SYCP1: variants seen among roughly 807,000 people sequenced by gnomAD.
SYCP1 encodes the protein cancer/testis antigen 8.
SYCP1 carries 64 observed loss-of-function variants against 153.1 expected under a neutral mutation model. That is an observed-to-expected ratio of 0.42 (90% CI 0.34 to 0.51). SYCP1 has a LOEUF of 0.51. Ranked by LOEUF, SYCP1 falls within the 20% of genes least tolerant of loss-of-function variation. The probability of loss-of-function intolerance (pLI) is 0.06; values close to 1 mark genes in which losing one functional copy is unlikely to be tolerated. For missense variants in SYCP1, 997 were observed against 1,049.0 expected (o/e 0.95, Z 0.68); for synonymous variants, 384 against 341.8 (o/e 1.12, Z -1.36).
chr1:114,856,692 T>C (rs1447495523), intron 3 of SYCP1, 35 bp downstream of exon 3: 6 of 1,487,082 alleles, frequency 4.0e-6, no homozygotes, highest in Non-Finnish European at 5.6e-6. Context: ...TCAGCTTATA[T>C]AGAAACATTG....
At chr1:114,918,306 A>G (rs892935803) in intron 20 of SYCP1, among the ~76,000 whole-genome samples, 1 of 151,952 alleles carries the variant, frequency 6.6e-6, no homozygotes, top group Non-Finnish European at 1.5e-5. Context: ...CTGCAGATGA[A>G]TGGATTTGTT....
intron 20 of SYCP1, 145 bp from the exon 21 acceptor site, chr1:114,923,304 T>A: frequency 1.3e-6 from 1 of 793,438 alleles, no homozygotes; most frequent in South Asian, 2.1e-5. Flanking sequence ...CTCTTGTTTG[T>A]ACTTATATTA....
chr1:114,938,977 G>T (rs360668), intron 23 of SYCP1, among the ~76,000 whole-genome samples: 4 of 151,874 alleles, frequency 2.6e-5, no homozygotes, highest in Non-Finnish European at 5.9e-5. Context: ...AGATGGTACA[G>T]TCACTGTGGA....
intron 30 of SYCP1, among the ~76,000 whole-genome samples, chr1:114,985,425 G>A (rs1308477448): frequency 6.6e-6 from 1 of 151,852 alleles, no homozygotes; most frequent in East Asian, 1.9e-4. Flanking sequence ...ATATACCACT[G>A]TTTTCTGAAG....
chr1:114,958,737 G>C (rs1461052005), intron 27 of SYCP1, among the ~76,000 whole-genome samples: 1 of 145,142 alleles, frequency 6.9e-6, no homozygotes, highest in Non-Finnish European at 1.5e-5. Context: ...TGGCTAACAC[G>C]GTGAAACCCT....
At chr1:114,946,255 A>T in intron 25 of SYCP1, 34 bp from the exon 26 acceptor site, 1 of 1,213,404 alleles carries the variant, frequency 8.2e-7, no homozygotes, top group Non-Finnish European at 1.1e-6. Flanking sequence ...ATTCAGTTTT[A>T]ATATATCTAA....
At chr1:114,888,966 G>A (rs1666504887) in intron 15 of SYCP1, among the ~76,000 whole-genome samples, 1 of 150,194 alleles carries the variant, frequency 6.7e-6, no homozygotes, top group Non-Finnish European at 1.5e-5. Context: ...TTGGTTTTCT[G>A]TCCTTTTGAT....
intron 26 of SYCP1, 96 bp downstream of exon 26, chr1:114,946,477 C>T (rs1026977292): frequency 1.0e-5 from 7 of 670,000 alleles, no homozygotes; most frequent in Non-Finnish European, 1.7e-5. Context: ...AATTTTTGAG[C>T]TATAGAATCA....
intron 23 of SYCP1, among the ~76,000 whole-genome samples, chr1:114,929,701 T>C (rs927392407): frequency 7.2e-5 from 11 of 151,964 alleles, no homozygotes; most frequent in African/African-American, 1.9e-4. Flanking sequence ...CACCTAATAA[T>C]AAAGCTTCAA....
intron 30 of SYCP1, among the ~76,000 whole-genome samples, chr1:114,991,507 A>T (rs148870300): frequency 6.7e-4 from 102 of 152,044 alleles, no homozygotes; most frequent in African/African-American, 2.3e-3. Context: ...AACATAAGAA[A>T]ATAAAACAGT....
intron 27 of SYCP1, among the ~76,000 whole-genome samples, chr1:114,950,272 T>G (rs1384869384): frequency 6.6e-6 from 1 of 152,060 alleles, no homozygotes; most frequent in Non-Finnish European, 1.5e-5. Flanking sequence ...TAACAAGGAG[T>G]AGGGTAGAAA....
intron 28 of SYCP1, among the ~76,000 whole-genome samples, chr1:114,980,023 G>C (rs1308373218): frequency 1.3e-5 from 2 of 151,682 alleles, no homozygotes; most frequent in Non-Finnish European, 3.0e-5. Context: ...GTGTGCTCTA[G>C]AGAATTCAGA....
chr1:114,957,221 C>T (rs1671498711), intron 27 of SYCP1, among the ~76,000 whole-genome samples: 1 of 152,144 alleles, frequency 6.6e-6, no homozygotes, highest in Non-Finnish European at 1.5e-5. Context: ...ACCACCACCC[C>T]ACCCAGCTAA....
intron 27 of SYCP1, among the ~76,000 whole-genome samples, chr1:114,972,817 A>G (rs946920295): frequency 6.6e-6 from 1 of 152,144 alleles, no homozygotes; most frequent in Non-Finnish European, 1.5e-5. Flanking sequence ...TGGCTAGCAT[A>G]TGGTCTGTCC....
chr1:114,899,156 C>T (rs1667255356), intron 16 of SYCP1, among the ~76,000 whole-genome samples: 2 of 152,230 alleles, frequency 1.3e-5, no homozygotes, highest in South Asian at 2.1e-4. Flanking sequence ...TCTTATTGCA[C>T]TGATGCAAAC....
intron 27 of SYCP1, among the ~76,000 whole-genome samples, chr1:114,963,047 C>T (rs1417736237): frequency 6.6e-6 from 1 of 152,160 alleles, no homozygotes; most frequent in Non-Finnish European, 1.5e-5. Flanking sequence ...TGCTGTTAAT[C>T]CAATAGGTTT....
chr1:114,910,914 C>T (rs898634590), intron 17 of SYCP1, among the ~76,000 whole-genome samples: 1 of 152,052 alleles, frequency 6.6e-6, no homozygotes, highest in African/African-American at 2.4e-5. Flanking sequence ...AGGGGCACAC[C>T]ATCATGCCTA....
rs563746318 is a variant in SYCP1, at chr1:114,882,908, C to T, written c.911-2627C>T. Among the ~76,000 whole-genome samples, 20 of 152,206 alleles carry T rather than the reference C, an allele frequency of 1.3e-4. No homozygotes were observed. In the South Asian group the frequency reaches 3.7e-3, roughly 28 times the overall value. Reference sequence around the variant, plus strand: ...TTTGCTCCTTACATCAAAACTGTCCCGGCTTATTGTACAAAAGTTTACTTC... The same window carrying T: ...TTTGCTCCTTACATCAAAACTGTCCTGGCTTATTGTACAAAAGTTTACTTC... On this transcript the variant is annotated intron_variant, in intron 12 of 31. Coordinates refer to ENST00000369522, the MANE Select transcript of SYCP1 (RefSeq NM_003176.4).
At chr1:114,888,640 AT>A (rs1395523945) in intron 15 of SYCP1, among the ~76,000 whole-genome samples, 1 of 152,050 alleles carries the variant, frequency 6.6e-6, no homozygotes, top group Non-Finnish European at 1.5e-5. Context: ...AAACCATTCC[AT>A]TTTTTATTCT....
Sources: allele counts gnomAD v4.1 joint callset (sites outside exome capture counted in the v4.1 genomes callset), GRCh38; gene constraint gnomAD v4.1.1; transcripts MANE v1.5; gene names NCBI Gene and HGNC (gene_info 2026-07-23, HGNC 2026-07-21).